PPP4R3B: variants seen among roughly 807,000 people sequenced by gnomAD.
PPP4R3B encodes protein phosphatase 4 regulatory subunit 3B.
A neutral mutation model predicts 95.4 loss-of-function variants in PPP4R3B; 52 were observed. The observed-to-expected ratio is 0.54, with a 90% CI of 0.44 to 0.69. PPP4R3B has a LOEUF of 0.69. PPP4R3B is among the 30% of genes least tolerant of loss of function. The probability of loss-of-function intolerance (pLI) is 0.00; values close to 1 mark genes in which losing one functional copy is unlikely to be tolerated. For missense variants in PPP4R3B, 1,003 were observed against 1,005.9 expected (o/e 1.00, Z 0.04); for synonymous variants, 407 against 343.9 (o/e 1.18, Z -2.03).
At chr2:55,579,617 T>C in intron 9 of PPP4R3B, 62 bp downstream of exon 9, 1 of 1,206,562 alleles carries the variant, frequency 8.3e-7, no homozygotes, top group Non-Finnish European at 1.1e-6. Flanking sequence ...CCTGTTAGTT[T>C]AATATTTATC....
At chr2:55,611,053 A>G (rs564290857) in intron 2 of PPP4R3B, among the ~76,000 whole-genome samples, 2 of 152,068 alleles carry the variant, frequency 1.3e-5, no homozygotes, top group African/African-American at 2.4e-5. Flanking sequence ...TTGCAGTGAG[A>G]GTCTCAGTAT....
intron 2 of PPP4R3B, among the ~76,000 whole-genome samples, chr2:55,608,444 T>A (rs942065044): frequency 4.6e-5 from 7 of 152,252 alleles, no homozygotes; most frequent in African/African-American, 1.7e-4. Flanking sequence ...TTCTTCTTCC[T>A]GATTACCAAT....
At chr2:55,577,467 C>T (rs571520793) in intron 10 of PPP4R3B, 111 bp from the exon 11 acceptor site, 7 of 1,092,700 alleles carry the variant, frequency 6.4e-6, no homozygotes, top group Non-Finnish European at 8.1e-6. Context: ...TCCTTTTACC[C>T]TCAAAATAAC....
At chr2:55,612,597 C>T (rs923344020) in intron 2 of PPP4R3B, among the ~76,000 whole-genome samples, 2 of 151,986 alleles carry the variant, frequency 1.3e-5, no homozygotes, top group South Asian at 4.2e-4. Flanking sequence ...TTTAAAGGTG[C>T]AAATTTAGCC....
intron 3 of PPP4R3B, among the ~76,000 whole-genome samples, chr2:55,600,463 C>T (rs1240838180): frequency 3.2e-5 from 3 of 94,922 alleles, no homozygotes; most frequent in African/African-American, 1.2e-4. Flanking sequence ...AAAAGGCGGG[C>T]AGGGGTGGTT....
chr2:55,612,277 A>G (rs980375297), intron 2 of PPP4R3B, among the ~76,000 whole-genome samples: 26 of 152,204 alleles, frequency 1.7e-4, no homozygotes, highest in Non-Finnish European at 2.9e-4. Flanking sequence ...ACTGAACAAC[A>G]GACTTCATGT....
intron 11 of PPP4R3B, among the ~76,000 whole-genome samples, chr2:55,575,689 C>T (rs1205129425): frequency 2.6e-5 from 4 of 152,138 alleles, no homozygotes; most frequent in Admixed American, 6.5e-5. Context: ...CCTCCTGCCT[C>T]GGCCTCCCAA....
chr2:55,603,530 T>C (rs1300210239), intron 3 of PPP4R3B, among the ~76,000 whole-genome samples: 1 of 152,242 alleles, frequency 6.6e-6, no homozygotes, highest in Non-Finnish European at 1.5e-5. Flanking sequence ...ACTTAAGAGT[T>C]ACCACATATT....
chr2:55,617,606 T>G lies in PPP4R3B; in HGVS notation c.-321A>C, dbSNP rs1695152285. On this transcript the variant is annotated 5_prime_UTR_variant, in exon 1 of 17. Transcript: ENST00000616407. ...GATCCGCCATCTTGTAACCCGACTC[T>G]CTCTGCCTTTCTCTTCCTCCTCCAG... is the stretch of plus-strand genomic sequence containing the variant. 1 of 233,882 alleles carries G rather than the reference T, an allele frequency of 4.3e-6. No homozygotes were observed. Among genetic ancestry groups the G allele is most frequent in the Non-Finnish European group, 8.4e-6 (1 of 119,138 alleles). 14.5% of individuals were successfully genotyped at this position (233,882 alleles called of 1,614,324 possible).
At chr2:55,571,578 A>T (rs72803549) in intron 12 of PPP4R3B, among the ~76,000 whole-genome samples, 1 of 152,196 alleles carries the variant, frequency 6.6e-6, no homozygotes, top group Non-Finnish European at 1.5e-5. Context: ...TAAACCTTAC[A>T]AGAGACACTA....
intron 2 of PPP4R3B, chr2:55,615,197 C>G (rs1694719793): frequency 2.5e-6 from 1 of 397,360 alleles, no homozygotes; most frequent in Non-Finnish European, 4.5e-6. Context: ...AGAGACTTGG[C>G]TAACTACAGT....
In PPP4R3B at chr2:55,549,946, ATTCTTC is replaced by A. The variant is rs750697639; in HGVS notation, c.2509_2514del (p.Glu837_Glu838del). On this transcript the variant is annotated inframe_deletion, in exon 17 of 17. Coordinates refer to ENST00000616407, the MANE Select transcript of PPP4R3B (RefSeq NM_001122964.3). ...AGACGAGGTCTTTTCCTGGGGGACG[ATTCTTC>A]TTCTTCATCTTCCTCTTCATCATCT... 6.8e-6 allele frequency: 11 copies of A among 1,613,430 alleles called. No homozygotes were observed. The East Asian group carries it at 8.9e-5, about 13-fold the overall frequency.
chr2:55,615,555 G>A (rs374830765), intron 1 of PPP4R3B, 49 bp from the exon 2 acceptor site: 106 of 1,361,458 alleles, frequency 7.8e-5, no homozygotes, highest in Non-Finnish European at 1.0e-4. Flanking sequence ...ATAAAACCCT[G>A]AATAAAAATT....
chr2:55,615,541 A>T (rs908428910), intron 1 of PPP4R3B, 35 bp from the exon 2 acceptor site: 2 of 1,431,878 alleles, frequency 1.4e-6, no homozygotes, highest in South Asian at 1.2e-5. Context: ...ATAAGTCTCA[A>T]ATGATAAAAC....
chr2:55,577,271 G>A, intron 11 of PPP4R3B, 44 bp downstream of exon 11: 1 of 1,516,422 alleles, frequency 6.6e-7, no homozygotes, highest in Non-Finnish European at 8.8e-7. Context: ...GTAGAAAAAA[G>A]TTTATAATTT....
At chr2:55,599,886 A>C (rs1692309023) in intron 3 of PPP4R3B, among the ~76,000 whole-genome samples, 2 of 152,116 alleles carry the variant, frequency 1.3e-5, no homozygotes, top group Admixed American at 1.3e-4. Context: ...CCATCTCACA[A>C]CTTACCTTCA....
chr2:55,589,942 A>T (rs1401155101), intron 4 of PPP4R3B, among the ~76,000 whole-genome samples: 1 of 135,362 alleles, frequency 7.4e-6, no homozygotes, highest in Admixed American at 7.4e-5. Context: ...ATATATATAT[A>T]AAAAATATAT....
intron 15 of PPP4R3B, among the ~76,000 whole-genome samples, chr2:55,560,563 A>C (rs1490320568): frequency 6.6e-6 from 1 of 151,986 alleles, no homozygotes; most frequent in Admixed American, 6.6e-5. Context: ...CGGATCACGA[A>C]GTCAGGAGTT....
intron 3 of PPP4R3B, among the ~76,000 whole-genome samples, chr2:55,601,877 C>T (rs1692668399): frequency 6.6e-6 from 1 of 152,050 alleles, no homozygotes; most frequent in African/African-American, 2.4e-5. Flanking sequence ...TTAAAGCTTC[C>T]TGAGGATGTA....
Sources: allele counts gnomAD v4.1 joint callset (sites outside exome capture counted in the v4.1 genomes callset), GRCh38; gene constraint gnomAD v4.1.1; transcripts MANE v1.5; gene names NCBI Gene and HGNC (gene_info 2026-07-23, HGNC 2026-07-21).